Variants in CCNG2 observed in about 807,000 individuals in gnomAD.
CCNG2 encodes the protein cyclin-G2.
Under a neutral mutation model 36.5 loss-of-function variants are expected in CCNG2, and 20 were observed. That is an observed-to-expected ratio of 0.55 (90% CI 0.39 to 0.80). CCNG2 has a LOEUF of 0.80. Among genes scored for constraint, CCNG2 ranks in the 30% least tolerant of loss-of-function variants. CCNG2 has a pLI of 0.00. For synonymous variants in CCNG2, 155 were observed against 140.1 expected (o/e 1.11, Z -0.75); for missense variants, 358 against 390.8 (o/e 0.92, Z 0.71).
rs768157335 is a variant in CCNG2, at chr4:77,167,018, A to AT, written c.*1101dup. The stretch of plus-strand genomic sequence containing the variant: ...TTTTAAAATGTACATAAAATACTGT[A>AT]TTTTTTTACCTTGTGTGTGATAGTC... On this transcript the variant is annotated 3_prime_UTR_variant, in exon 8 of 8. Coordinates refer to ENST00000316355, the MANE Select transcript of CCNG2 (RefSeq NM_004354.3). The AT allele has an allele frequency of 1.9e-4, 29 of 152,178 alleles. No homozygotes were observed. Among genetic ancestry groups the AT allele is most frequent in the Admixed American group, 1.3e-3 (20 of 15,286 alleles). The allele number at this position is 152,178 out of a possible 1,614,324, so 9.4% of individuals were successfully genotyped here.
rs541740873 is a variant in CCNG2, at chr4:77,159,298, TG to T, written c.139-67del. 2.8e-6 allele frequency: 4 copies of T among 1,428,728 alleles called. No individual in the cohort carries two copies. In the East Asian group the frequency reaches 9.2e-5, roughly 33 times the overall value. 88.5% of individuals were successfully genotyped at this position (1,428,728 alleles called of 1,614,324 possible). On this transcript the variant is annotated intron_variant, in intron 2 of 7. Transcript: ENST00000316355. ...TTGGGAAAAAATTAACCTTATTCTT[TG>T]GACCTGTATGTGTTTTTCATCTGGT...
chr4:77,165,436 T>C (rs903848929), intron 7 of CCNG2, among the ~76,000 whole-genome samples: 8 of 151,854 alleles, frequency 5.3e-5, no homozygotes, highest in African/African-American at 9.7e-5. Context: ...TTCTTTCTTT[T>C]TTTTTTTGCA....
intron 7 of CCNG2, among the ~76,000 whole-genome samples, chr4:77,165,396 TA>T (rs1373251315): frequency 6.6e-6 from 1 of 152,036 alleles, no homozygotes; most frequent in African/African-American, 2.4e-5. Flanking sequence ...GTAACTTGTT[TA>T]AACTTAAGAA....
At chr4:77,159,795 A>G (rs1345283432) in intron 3 of CCNG2, among the ~76,000 whole-genome samples, 1 of 152,230 alleles carries the variant, frequency 6.6e-6, no homozygotes, top group Non-Finnish European at 1.5e-5. Flanking sequence ...TATAGTCCTC[A>G]ATATAAGATT....
rs1197872605 is a variant in CCNG2 at position 77,167,858 on chromosome 4, T to A, written c.*1934T>A. ...ACCTTTCCTCTCTTACTAAATAATA[T>A]TAGTAAATAGTGGGCAATATATTCT... is the stretch of plus-strand genomic sequence containing the variant. On this transcript the variant is annotated 3_prime_UTR_variant, in exon 8 of 8. Transcript: ENST00000316355. 2 of 152,226 alleles carry A rather than the reference T, an allele frequency of 1.3e-5. No homozygotes were observed. The highest frequency in any genetic ancestry group is 2.9e-5 in the Non-Finnish European group (2 of 68,026). The allele number at this position is 152,226 out of a possible 1,614,324, so 9.4% of individuals were successfully genotyped here. A position where few individuals can be genotyped will look rare whatever the true frequency, so the allele number is the denominator to read the frequency against.
In CCNG2 at chr4:77,168,053, C is replaced by T. The variant is rs542904829; in HGVS notation, c.*2129C>T. 50 of 152,254 alleles carry T rather than the reference C, an allele frequency of 3.3e-4. 1 individual carries two copies. Among genetic ancestry groups the T allele is most frequent in the African/African-American group, 1.1e-3 (44 of 41,542 alleles). The allele number at this position is 152,254 out of a possible 1,614,324, so 9.4% of individuals were successfully genotyped here. A position where few individuals can be genotyped will look rare whatever the true frequency, so the allele number is the denominator to read the frequency against. ...CCCTGTGGTTTTCAGTGTATTTAGT[C>T]GAGACCTCTCTGCTGAGCTTGCAAC... On this transcript the variant is annotated 3_prime_UTR_variant, in exon 8 of 8. Transcript: ENST00000316355.
chr4:77,168,330 C>T lies in CCNG2; in HGVS notation c.*2406C>T, dbSNP rs375875043. The T allele has an allele frequency of 1.3e-5, 2 of 152,240 alleles. No homozygotes were observed. Among genetic ancestry groups the T allele is most frequent in the East Asian group, 3.8e-4 (2 of 5,200 alleles). The allele number at this position is 152,240 out of a possible 1,614,324, so 9.4% of individuals were successfully genotyped here. On this transcript the variant is annotated 3_prime_UTR_variant, in exon 8 of 8. Coordinates refer to ENST00000316355, the MANE Select transcript of CCNG2 (RefSeq NM_004354.3). ...CATGGTTTAGACCTGTACTCTTTAT[C>T]AGCAGAGGTACTGTAATATATTTGT...
rs1410728374 is a variant in CCNG2, at chr4:77,158,596, A to G, written c.64A>G (p.Asn22Asp). 6.2e-7 allele frequency: 1 copy of G among 1,614,106 alleles called. No individual in the cohort carries two copies. The highest frequency in any genetic ancestry group is 1.7e-5 in the Admixed American group (1 of 60,020). ...AGGGGTCCAACTTCTCGGGTTGTTG[A>G]ACGTCTACCTGGAACAAGAAGAGAG... ...HEGVQLLGLL[N>D]VYLEQEERFQ... The change falls in exon 2 of 8, where the codon AAC (asparagine) becomes GAC (aspartate). Residue 22 changes from asparagine (N) to aspartate (D), a missense_variant. Asn to Asp is a conservative substitution (Grantham distance 23). Coordinates refer to ENST00000316355, the MANE Select transcript of CCNG2 (RefSeq NM_004354.3).
intron 3 of CCNG2, among the ~76,000 whole-genome samples, 182 bp from the exon 4 acceptor site, chr4:77,160,539 G>GGA (rs1560422114): frequency 6.7e-6 from 1 of 149,534 alleles, no homozygotes; most frequent in African/African-American, 2.5e-5. Context: ...TTTGGGGGGG[G>GGA]GGGGAGGTCG....
intron 7 of CCNG2, 166 bp downstream of exon 7, chr4:77,164,645 A>G (rs1196379939): frequency 1.8e-6 from 1 of 559,344 alleles, no homozygotes; most frequent in Non-Finnish European, 3.2e-6. Flanking sequence ...CAGAAGTAGT[A>G]TTTTAATATG....
chr4:77,167,856 TATTA>T lies in CCNG2; in HGVS notation c.*1933_*1936del, dbSNP rs1340337283. On this transcript the variant is annotated 3_prime_UTR_variant, in exon 8 of 8. Transcript: ENST00000316355. Reference sequence around the variant, plus strand: ...TGACCTTTCCTCTCTTACTAAATAATATTAGTAAATAGTGGGCAATATATTCTGC... The same window carrying T: ...TGACCTTTCCTCTCTTACTAAATAATGTAAATAGTGGGCAATATATTCTGC... The T allele has an allele frequency of 6.6e-6, 1 of 152,220 alleles. No homozygotes were observed. Among genetic ancestry groups the T allele is most frequent in the Non-Finnish European group, 1.5e-5 (1 of 68,032 alleles). 9.4% of individuals were successfully genotyped at this position (152,220 alleles called of 1,614,324 possible).
Position 77,158,522 on chromosome 4 carries a change from C to T in CCNG2, c.1-11C>T. 1.2e-6 allele frequency: 2 copies of T among 1,614,112 alleles called. No individual in the cohort carries two copies. Among genetic ancestry groups the T allele is most frequent in the Non-Finnish European group, 1.7e-6 (2 of 1,179,956 alleles). On this transcript the variant is annotated splice_polypyrimidine_tract_variant and intron_variant, in intron 1 of 7. Coordinates refer to ENST00000316355, the MANE Select transcript of CCNG2 (RefSeq NM_004354.3). ...CCAGATTACATTCTCTGTGTGGTGT[C>T]TTTACTGCAGATGAAGGATTTGGGG... is the stretch of plus-strand genomic sequence containing the variant.
chr4:77,165,891 C>G lies in CCNG2; in HGVS notation c.1002C>G (p.Phe334Leu). The G allele has an allele frequency of 1.2e-6, 2 of 1,610,918 alleles. No individual in the cohort carries two copies. Among genetic ancestry groups the G allele is most frequent in the Admixed American group, 1.7e-5 (1 of 59,234 alleles). ...SDQECTFFFNFKVAQTLCFPS is the reference protein window; with the variant it reads ...SDQECTFFFNLKVAQTLCFPS ...AAGAGTGCACCTTCTTTTTCAACTTCAAAGTGGCACAAACACTGTGCTTTC... is the reference window on the plus strand; with the variant it reads ...AAGAGTGCACCTTCTTTTTCAACTTGAAAGTGGCACAAACACTGTGCTTTC... The change falls in exon 8 of 8, where the codon TTC (phenylalanine) becomes TTG (leucine). Residue 334 changes from phenylalanine (F) to leucine (L), a missense_variant. Phe to Leu is a conservative substitution (Grantham distance 22). Transcript: ENST00000316355.
intron 6 of CCNG2, among the ~76,000 whole-genome samples, chr4:77,163,271 C>T (rs562247723): frequency 6.6e-6 from 1 of 152,132 alleles, no homozygotes; most frequent in Admixed American, 6.5e-5. Context: ...AAAGGTACAT[C>T]CCCACAAGTA....
intron 2 of CCNG2, among the ~76,000 whole-genome samples, chr4:77,159,108 C>G (rs139287428): frequency 1.4e-4 from 22 of 152,342 alleles, no homozygotes; most frequent in Admixed American, 2.6e-4. Context: ...TGAAATCTTG[C>G]AACAGTTCAC....
chr4:77,165,636 C>T lies in CCNG2; in HGVS notation c.912-165C>T, dbSNP rs1731609735. Among the ~76,000 whole-genome samples the T allele has an allele frequency of 2.6e-5, 4 of 152,104 alleles. No individual in the cohort carries two copies. In the South Asian group the frequency reaches 8.3e-4, roughly 32 times the overall value. Reference sequence around the variant, plus strand: ...AAATCTATATTTTCCAATGAGATTACTATAGACTTCATTTAGGAAGTCCTT... The same window carrying T: ...AAATCTATATTTTCCAATGAGATTATTATAGACTTCATTTAGGAAGTCCTT... On this transcript the variant is annotated intron_variant, in intron 7 of 7. Coordinates refer to ENST00000316355, the MANE Select transcript of CCNG2 (RefSeq NM_004354.3).
intron 4 of CCNG2, among the ~76,000 whole-genome samples, chr4:77,161,211 T>C (rs1443669835): frequency 6.6e-6 from 1 of 150,876 alleles, no homozygotes; most frequent in Non-Finnish European, 1.5e-5. Context: ...CAAGCGATTC[T>C]CCTGCGTCAG....
chr4:77,167,845 T>G lies in CCNG2; in HGVS notation c.*1921T>G, dbSNP rs764767564. The stretch of plus-strand genomic sequence containing the variant: ...CTACTTGAGGATGACCTTTCCTCTC[T>G]TACTAAATAATATTAGTAAATAGTG... On this transcript the variant is annotated 3_prime_UTR_variant, in exon 8 of 8. Coordinates refer to ENST00000316355, the MANE Select transcript of CCNG2 (RefSeq NM_004354.3). 2.6e-5 allele frequency: 4 copies of G among 152,276 alleles called. No individual in the cohort carries two copies. Among genetic ancestry groups the G allele is most frequent in the Non-Finnish European group, 5.9e-5 (4 of 68,050 alleles). 9.4% of individuals were successfully genotyped at this position (152,276 alleles called of 1,614,324 possible).
In CCNG2 at chr4:77,160,969, A is replaced by G; in HGVS notation, c.525A>G (p.Glu175=). Residue 175 remains glutamate (E), a splice_region_variant and synonymous_variant, in exon 4 of 8, where the codon GAA becomes GAG. Transcript: ENST00000316355. ...YHTIILCHTS[E]RKEILSLDKL... is the part of the protein sequence containing the mutation. ...CTATTATACTTTGTCATACTTCAGAAAGGTCAGTGGGATTAAAGATACATT... is the reference window on the plus strand; with the variant it reads ...CTATTATACTTTGTCATACTTCAGAGAGGTCAGTGGGATTAAAGATACATT... 1 of 1,599,028 alleles carries G rather than the reference A, an allele frequency of 6.3e-7. No individual in the cohort carries two copies.
Sources: allele counts gnomAD v4.1 joint callset (sites outside exome capture counted in the v4.1 genomes callset), GRCh38; gene constraint gnomAD v4.1.1; transcripts MANE v1.5; gene names NCBI Gene and HGNC (gene_info 2026-07-23, HGNC 2026-07-21).